The following AQP7B variants were observed in gnomAD, a reference collection of about 807,000 sequenced individuals.
AQP7B encodes putative aquaporin-7B.
At chr2:94,600,085 G>T in the AQP7B span, among the ~76,000 whole-genome samples, 1 of 151,794 alleles carries the variant, frequency 6.6e-6, no homozygotes, top group African/African-American at 2.4e-5. Flanking sequence ...TGTCATGCTG[G>T]TCTTGAACTC....
At chr2:94,603,835 C>T in the AQP7B span, 2 of 1,469,878 alleles carry the variant, frequency 1.4e-6, no homozygotes, top group East Asian at 2.3e-5. Flanking sequence ...CAGGGTGTCC[C>T]ATGGCATAAA....
At chr2:94,601,396 A>G in the AQP7B span, among the ~76,000 whole-genome samples, 1 of 152,218 alleles carries the variant, frequency 6.6e-6, no homozygotes, top group East Asian at 1.9e-4. Flanking sequence ...GAGAGTTCCA[A>G]TGGGGATTTG....
the AQP7B span, among the ~76,000 whole-genome samples, chr2:94,589,676 C>T: frequency 6.6e-6 from 1 of 152,082 alleles, no homozygotes; most frequent in Non-Finnish European, 1.5e-5. Context: ...ACATCATTGC[C>T]TCTAGCCTAC....
the AQP7B span, among the ~76,000 whole-genome samples, chr2:94,597,619 T>TG: frequency 1.3e-5 from 2 of 151,372 alleles, no homozygotes; most frequent in Non-Finnish European, 2.9e-5. Flanking sequence ...TTTGTTTTTT[T>TG]TTTTTTGTTT....
At chr2:94,604,335 G>C in the AQP7B span, 1 of 1,610,800 alleles carries the variant, frequency 6.2e-7, no homozygotes, top group Non-Finnish European at 8.5e-7. Flanking sequence ...CCACTTCTGG[G>C]TGCCTCTCTA....
the AQP7B span, chr2:94,604,063 A>G: frequency 1.4e-6 from 1 of 694,002 alleles, no homozygotes; most frequent in Non-Finnish European, 2.4e-6. Flanking sequence ...AGCAGGAGTG[A>G]GTCCCAACAT....
chr2:94,600,946 T>A, the AQP7B span, among the ~76,000 whole-genome samples: 1 of 151,294 alleles, frequency 6.6e-6, no homozygotes, highest in Non-Finnish European at 1.5e-5. Context: ...CTTGAGAGGC[T>A]GAGGTGGGAG....
the AQP7B span, chr2:94,604,256 C>A: frequency 6.4e-7 from 1 of 1,562,930 alleles, no homozygotes; most frequent in Admixed American, 1.8e-5. Context: ...GGGCATCAGC[C>A]CCCTCAGCAG....
the AQP7B span, among the ~76,000 whole-genome samples, chr2:94,590,778 A>G: frequency 6.6e-6 from 1 of 151,610 alleles, no homozygotes; most frequent in Admixed American, 6.6e-5. Context: ...CCCCATCTCT[A>G]CAAAAAATAA....
chr2:94,588,303 G>A, the AQP7B span, among the ~76,000 whole-genome samples: 3 of 151,812 alleles, frequency 2.0e-5, no homozygotes, highest in African/African-American at 7.3e-5. Context: ...GGGCCAGCAT[G>A]GGTGGGGTGG....
the AQP7B span, chr2:94,602,893 T>A: frequency 5.8e-6 from 6 of 1,031,152 alleles, no homozygotes; most frequent in Admixed American, 8.5e-5. Flanking sequence ...GGCCCCTGCC[T>A]CACGGGGTGG....
At chr2:94,603,260 TA>T in the AQP7B span, 2 of 1,390,166 alleles carry the variant, frequency 1.4e-6, no homozygotes, top group Non-Finnish European at 2.0e-6. Flanking sequence ...TCCTGATTTG[TA>T]AAAAATAGCT....
chr2:94,598,021 G>A, the AQP7B span, among the ~76,000 whole-genome samples: 1 of 152,258 alleles, frequency 6.6e-6, no homozygotes, highest in African/African-American at 2.4e-5. Flanking sequence ...CTCACTTTCA[G>A]GTAGTTCAAG....
the AQP7B span, among the ~76,000 whole-genome samples, chr2:94,601,595 G>A: frequency 2.5e-4 from 38 of 152,282 alleles, no homozygotes; most frequent in East Asian, 5.6e-3. Flanking sequence ...GAGGGGGTGC[G>A]AGGGAAGGGG....
the AQP7B span, among the ~76,000 whole-genome samples, chr2:94,601,212 C>G: frequency 6.6e-6 from 1 of 152,230 alleles, no homozygotes; most frequent in Non-Finnish European, 1.5e-5. Flanking sequence ...TTCAAGTTCT[C>G]TAAGCTTCAG....
At chr2:94,592,753 C>A in the AQP7B span, among the ~76,000 whole-genome samples, 2 of 147,540 alleles carry the variant, frequency 1.4e-5, no homozygotes, top group Non-Finnish European at 3.0e-5. Context: ...TCAGGCACTG[C>A]AGTGAAGCAA....
the AQP7B span, among the ~76,000 whole-genome samples, chr2:94,589,079 T>A: frequency 6.6e-6 from 1 of 151,222 alleles, no homozygotes; most frequent in Admixed American, 6.6e-5. Flanking sequence ...TTCTCCTGGG[T>A]TCAAGTGATT....
the AQP7B span, chr2:94,594,639 G>A: frequency 2.6e-4 from 192 of 739,684 alleles, no homozygotes; most frequent in East Asian, 4.3e-3. Flanking sequence ...CGTGTGTGGC[G>A]AGGCTGCTGG....
At chr2:94,596,498 A>T in the AQP7B span, among the ~76,000 whole-genome samples, 4 of 152,146 alleles carry the variant, frequency 2.6e-5, no homozygotes, top group Admixed American at 6.5e-5. Context: ...GAGAGAGGAA[A>T]TCGGAACACC....
Sources: gnomAD v4.1 joint callset for allele counts (sites outside exome capture counted in the v4.1 genomes callset) on GRCh38, gnomAD v4.1.1 for gene constraint, MANE v1.5 for transcripts, NCBI Gene and HGNC (gene_info 2026-07-23, HGNC 2026-07-21) for gene names.